Variants in TMEM213 observed in about 807,000 individuals in gnomAD.
The protein encoded by TMEM213 is transmembrane protein 213.
TMEM213 carries 7 observed loss-of-function variants against 11.6 expected under a neutral mutation model. The ratio of observed to expected loss-of-function variants is 0.60; its 90% CI spans 0.34 to 1.13. The LOEUF is 1.13. Among genes scored for constraint, TMEM213 ranks in the 50% most tolerant of loss-of-function variants. The pLI, the probability that TMEM213 is intolerant of heterozygous loss-of-function variation, is 0.03. For synonymous variants in TMEM213, 60 were observed against 58.3 expected, an observed-to-expected ratio of 1.03 and a Z score of -0.13; for missense variants, 129 against 139.0, an observed-to-expected ratio of 0.93 and a Z score of 0.36.
chr7:138,802,781 T>C (rs1808989714), intron 2 of TMEM213, 119 bp from the exon 3 acceptor site: 1 of 1,062,596 alleles, frequency 9.4e-7, no homozygotes, highest in South Asian at 1.7e-5. Flanking sequence ...GCATGGCACG[T>C]AGTAGGCCTC....
At chr7:138,801,081 A>G (rs962173626) in intron 1 of TMEM213, among the ~76,000 whole-genome samples, 1 of 152,084 alleles carries the variant, frequency 6.6e-6, no homozygotes, top group African/African-American at 2.4e-5. Flanking sequence ...GCCTCTTCGA[A>G]TGTCCCATCT....
chr7:138,801,386 G>A lies in TMEM213; in HGVS notation c.142G>A (p.Glu48Lys), dbSNP rs748648481. 1 of 1,609,842 alleles carries A rather than the reference G, an allele frequency of 6.2e-7. No homozygotes were observed. Among genetic ancestry groups the A allele is most frequent in the Non-Finnish European group, 8.5e-7 (1 of 1,178,200 alleles). ...TCACCACCCAGACCCTGGGACCCTG[G>A]AGCAGTGCCTCAGTAAGCTTCTCCT... ...TAHHPDPGTL[E>K]QCLNVDFCPQ... Residue 48 changes from glutamate to lysine, a missense_variant, in exon 2 of 3, where the codon GAG becomes AAG. Glu to Lys is a moderately conservative substitution (Grantham distance 56). Coordinates refer to ENST00000442682, the MANE Select transcript of TMEM213 (RefSeq NM_001085429.2).
At chr7:138,798,836 C>T (rs3807328) in intron 1 of TMEM213, among the ~76,000 whole-genome samples, 74,253 of 152,004 alleles carry the variant, frequency 0.49, 18,225 homozygotes, top group Admixed American at 0.56. Context: ...GGCAGAGGGA[C>T]CTTGGTTACC....
rs149953340 is a variant in TMEM213 at position 138,800,251 on chromosome 7, A to C, written c.83-1076A>C. 5.3e-5 allele frequency among the ~76,000 whole-genome samples: 8 copies of C among 152,072 alleles called. No individual in the cohort carries two copies. In the East Asian group the frequency reaches 1.5e-3, roughly 29 times the overall value. On this transcript the variant is annotated intron_variant, in intron 1 of 2. Transcript: ENST00000442682. ...GTAAACAAGAAGCTGAGTTTTTTTT[A>C]CTGAATTTGATTTTAATAAATTTAA...
rs200306735 is a variant in TMEM213 at position 138,802,936 on chromosome 7, G to C, written c.191G>C (p.Arg64Pro). The C allele has an allele frequency of 2.5e-6, 4 of 1,605,712 alleles. No homozygotes were observed. The South Asian group carries it at 3.3e-5, about 13-fold the overall frequency. The change falls in exon 3 of 3, where the codon CGC (arginine) becomes CCC (proline). Residue 64 changes from arginine to proline, a missense_variant. Coordinates refer to ENST00000442682, the MANE Select transcript of TMEM213 (RefSeq NM_001085429.2). ...DFCPQAARCC[R>P]TGVDEYGWIA... ...TGCCCACAAGCAGCCCGGTGCTGCCGCACAGGAGTGGACGAGTACGGCTGG... is the reference window on the plus strand; with the variant it reads ...TGCCCACAAGCAGCCCGGTGCTGCCCCACAGGAGTGGACGAGTACGGCTGG...
At chr7:138,801,123 A>G (rs1383399350) in intron 1 of TMEM213, among the ~76,000 whole-genome samples, 1 of 152,212 alleles carries the variant, frequency 6.6e-6, no homozygotes, top group Non-Finnish European at 1.5e-5. Flanking sequence ...TTAGGACTTC[A>G]ATATATGAAA....
rs780800378 is a variant in TMEM213, at chr7:138,801,357, C to T, written c.113C>T (p.Thr38Ile). Residue 38 changes from threonine (T) to isoleucine (I), a missense_variant, in exon 2 of 3, where the codon ACC (threonine) becomes ATC (isoleucine). By Grantham distance (89) the Thr-to-Ile change is moderately conservative (BLOSUM62 -1). Transcript: ENST00000442682. ...AGCAGCAGCAACAGCTCAAGCTTGA[C>T]CGCTCACCACCCAGACCCTGGGACC... ...EASSSNSSSL[T>I]AHHPDPGTLE... is the part of the protein sequence containing the mutation. The T allele has an allele frequency of 6.2e-7, 1 of 1,611,698 alleles. No individual in the cohort carries two copies. Among genetic ancestry groups the T allele is most frequent in the Non-Finnish European group, 8.5e-7 (1 of 1,179,032 alleles).
At chr7:138,799,898 C>A (rs1250716387) in intron 1 of TMEM213, among the ~76,000 whole-genome samples, 1 of 152,144 alleles carries the variant, frequency 6.6e-6, no homozygotes, top group Non-Finnish European at 1.5e-5. Flanking sequence ...AGCTAAACAG[C>A]AGGTTTCTTC....
chr7:138,801,274 C>A, intron 1 of TMEM213, 53 bp from the exon 2 acceptor site: 1 of 1,490,586 alleles, frequency 6.7e-7, no homozygotes, highest in Non-Finnish European at 9.2e-7. Context: ...AAAATCTATG[C>A]CTGGGAATAG....
chr7:138,799,921 G>A (rs938613845), intron 1 of TMEM213, among the ~76,000 whole-genome samples: 3 of 152,050 alleles, frequency 2.0e-5, no homozygotes, highest in African/African-American at 7.2e-5. Flanking sequence ...AACTCGTCCT[G>A]CTGTGACAAC....
intron 2 of TMEM213, among the ~76,000 whole-genome samples, chr7:138,802,182 G>T (rs1279067687): frequency 1.3e-5 from 2 of 148,508 alleles, no homozygotes; most frequent in African/African-American, 5.0e-5. Context: ...AAAAGAGAAA[G>T]TTCCACTTTA....
rs1030819645 is a variant in TMEM213, at chr7:138,798,032, A to C, written c.-73A>C. ...AGCTCCTGCAGGTGGGAGTCGACTC[A>C]CCTGCAGCAGGCACTCGGCACAACT... On this transcript the variant is annotated 5_prime_UTR_variant, in exon 1 of 3. Coordinates refer to ENST00000442682, the MANE Select transcript of TMEM213 (RefSeq NM_001085429.2). 1.4e-5 allele frequency: 22 copies of C among 1,553,410 alleles called. No homozygotes were observed. The highest frequency in any genetic ancestry group is 1.7e-4 in the Middle Eastern group (1 of 6,008).
rs1563030199 is a variant in TMEM213, at chr7:138,800,707, T to TTCTTC, written c.83-619_83-618insCTTCT. Among the ~76,000 whole-genome samples the TTCTTC allele has an allele frequency of 3.2e-5, 4 of 123,264 alleles. 1 individual carries two copies. Among genetic ancestry groups the TTCTTC allele is most frequent in the African/African-American group, 3.4e-5 (1 of 29,524 alleles). The allele number at this position is 123,264 out of a possible 152,430, so 80.9% of individuals were successfully genotyped here. A position where few individuals can be genotyped will look rare whatever the true frequency, so the allele number is the denominator to read the frequency against. On this transcript the variant is annotated intron_variant, in intron 1 of 2. Coordinates refer to ENST00000442682, the MANE Select transcript of TMEM213 (RefSeq NM_001085429.2). ...TCTTCTTCTTCTTCTTCTTCTTCTT[T>TTCTTC]TTTTTTTTTTTTTAGACGGAGTTTC...
intron 1 of TMEM213, chr7:138,799,184 T>A (rs573573488): frequency 6.6e-6 from 1 of 152,204 alleles, no homozygotes; most frequent in Non-Finnish European, 1.5e-5. Flanking sequence ...TTGATGTAAT[T>A]TCATGTAAAG....
At chr7:138,798,415 A>G (rs958556947) in intron 1 of TMEM213, 2 of 554,074 alleles carry the variant, frequency 3.6e-6, no homozygotes, top group Admixed American at 3.1e-5. Context: ...CAGATACTCA[A>G]TTCCTCAGCT....
chr7:138,798,068 G>A lies in TMEM213; in HGVS notation c.-37G>A, dbSNP rs751828183. 16 of 1,572,172 alleles carry A rather than the reference G, an allele frequency of 1.0e-5. No homozygotes were observed. The Admixed American group carries it at 2.3e-4, about 22-fold the overall frequency. On this transcript the variant is annotated 5_prime_UTR_variant, in exon 1 of 3. Coordinates refer to ENST00000442682, the MANE Select transcript of TMEM213 (RefSeq NM_001085429.2). Reference sequence around the variant, plus strand: ...GCACTCGGCACAACTCCGCAGGACCGGCTCACCTGCACCGGGCACTCAGCA... The same window carrying A: ...GCACTCGGCACAACTCCGCAGGACCAGCTCACCTGCACCGGGCACTCAGCA...
chr7:138,802,919 A>G lies in TMEM213; in HGVS notation c.174A>G (p.Gln58=). The G allele has an allele frequency of 6.3e-7, 1 of 1,584,894 alleles. No homozygotes were observed. The highest frequency in any genetic ancestry group is 8.6e-7 in the Non-Finnish European group (1 of 1,167,914). ...CACCAGACGTGGACTTCTGCCCACA[A>G]GCAGCCCGGTGCTGCCGCACAGGAG... is the stretch of plus-strand genomic sequence containing the variant. ...EQCLNVDFCP[Q]AARCCRTGVD... Residue 58 remains glutamine, a synonymous_variant, in exon 3 of 3, where the codon CAA becomes CAG. Transcript: ENST00000442682.
intron 1 of TMEM213, chr7:138,798,444 T>C: frequency 1.9e-6 from 1 of 540,058 alleles, no homozygotes; most frequent in Non-Finnish European, 3.3e-6. Flanking sequence ...AGCAGCCACC[T>C]CTCTTGGCCT....
At position 138,803,232 on chromosome 7, in the gene TMEM213, A is replaced by C; in HGVS notation, c.*163A>C. ...AAGAGCGGGAGAACCAAATAAGGCA[A>C]GCCAGTGCTGCCCTTGCATGTCACT... On this transcript the variant is annotated 3_prime_UTR_variant, in exon 3 of 3. Transcript: ENST00000442682. 1 of 917,910 alleles carries C rather than the reference A, an allele frequency of 1.1e-6. No individual in the cohort carries two copies. The highest frequency in any genetic ancestry group is 1.7e-5 in the South Asian group (1 of 59,002). The allele number at this position is 917,910 out of a possible 1,614,324, so 56.9% of individuals were successfully genotyped here.
Sources: allele counts gnomAD v4.1 joint callset (sites outside exome capture counted in the v4.1 genomes callset), GRCh38; gene constraint gnomAD v4.1.1; transcripts MANE v1.5; gene names NCBI Gene and HGNC (gene_info 2026-07-23, HGNC 2026-07-21).